The following DMBX1 variants were observed in gnomAD, a reference collection of about 807,000 sequenced individuals.
The protein encoded by DMBX1 is diencephalon/mesencephalon homeobox protein 1.
DMBX1 carries 7 observed loss-of-function variants against 30.4 expected under a neutral mutation model. The ratio of observed to expected loss-of-function variants is 0.23; its 90% CI spans 0.13 to 0.43. DMBX1 has a LOEUF of 0.43. Among genes scored for constraint, DMBX1 ranks in the 20% least tolerant of loss-of-function variants. The pLI, the probability that DMBX1 is intolerant of heterozygous loss-of-function variation, is 1.00. For missense variants in DMBX1, 460 were observed against 508.5 expected, an observed-to-expected ratio of 0.90 and a Z score of 0.92; for synonymous variants, 222 against 214.2, an observed-to-expected ratio of 1.04 and a Z score of -0.32.
intron 2 of DMBX1, among the ~76,000 whole-genome samples, chr1:46,501,456 A>G (rs1666137454): frequency 6.6e-6 from 1 of 151,076 alleles, no homozygotes; most frequent in African/African-American, 2.4e-5. Flanking sequence ...AATTTTTTGT[A>G]TTTATTAGTA....
intron 2 of DMBX1, among the ~76,000 whole-genome samples, chr1:46,505,531 A>G (rs955939750): frequency 1.3e-5 from 2 of 148,760 alleles, no homozygotes; most frequent in African/African-American, 5.0e-5. Context: ...ATTCTCACTC[A>G]TAGGTGGGAA....
At chr1:46,496,185 T>A (rs1037642301) in intron 2 of DMBX1, among the ~76,000 whole-genome samples, 18 of 152,130 alleles carry the variant, frequency 1.2e-4, no homozygotes, top group Admixed American at 4.6e-4. Flanking sequence ...GATATGGGGC[T>A]CTTGGAGGAG....
intron 2 of DMBX1, among the ~76,000 whole-genome samples, chr1:46,500,925 C>G (rs989741164): frequency 6.6e-6 from 1 of 152,166 alleles, no homozygotes; most frequent in Non-Finnish European, 1.5e-5. Flanking sequence ...TTCGCATACA[C>G]ATATCTCTGC....
chr1:46,493,058 C>T lies in DMBX1; in HGVS notation c.-13+2275C>T, dbSNP rs926186811. ...CGGCCAGTCCCAGTTCCTCAAGGAGCCAGTCTTCACCTCCCCCACCCCTGC... is the reference window on the plus strand; with the variant it reads ...CGGCCAGTCCCAGTTCCTCAAGGAGTCAGTCTTCACCTCCCCCACCCCTGC... On this transcript the variant is annotated intron_variant, in intron 2 of 5. Coordinates refer to ENST00000360032, the MANE Select transcript of DMBX1 (RefSeq NM_172225.2). This position sits in a 1 kb window ranked among gnomAD's most constrained non-coding sequence, Gnocchi z 4.1. 3.7e-4 allele frequency among the ~76,000 whole-genome samples: 56 copies of T among 152,308 alleles called. No homozygotes were observed. The highest frequency in any genetic ancestry group is 1.2e-3 in the African/African-American group (48 of 41,578).
rs1032264937 is a variant in DMBX1 at position 46,493,659 on chromosome 1, C to T, written c.-13+2876C>T. Among the ~76,000 whole-genome samples the T allele has an allele frequency of 1.3e-5, 2 of 152,240 alleles. No individual in the cohort carries two copies. Among genetic ancestry groups the T allele is most frequent in the African/African-American group, 2.4e-5 (1 of 41,468 alleles). ...CCCTCTGGTCTACAGCCACTGTGGG[C>T]GCTGCTTCCATGAGCCCCGAGGCCA... is the stretch of plus-strand genomic sequence containing the variant. On this transcript the variant is annotated intron_variant, in intron 2 of 5. Coordinates refer to ENST00000360032, the MANE Select transcript of DMBX1 (RefSeq NM_172225.2). This position sits in a 1 kb window ranked among gnomAD's most constrained non-coding sequence, Gnocchi z 4.1.
At chr1:46,498,039 G>A (rs908764339) in intron 2 of DMBX1, among the ~76,000 whole-genome samples, 2 of 152,186 alleles carry the variant, frequency 1.3e-5, no homozygotes, top group African/African-American at 4.8e-5. Flanking sequence ...CTGTTTAGAG[G>A]CTCCTGCAGG....
In DMBX1 at chr1:46,511,049, G is replaced by C. The variant is rs145934527; in HGVS notation, c.448G>C (p.Ala150Pro). The change falls in exon 5 of 6, where the codon GCC becomes CCC. Residue 150 changes from alanine to proline, a missense_variant. Transcript: ENST00000360032. The part of the protein sequence containing the change: ...EGSHGEGKAE[A>P]PTPDTQLDTE... ...CTCCCATGGGGAAGGCAAGGCCGAG[G>C]CCCCCACTCCAGATACCCAGCTGGA... 7.4e-6 allele frequency: 12 copies of C among 1,613,960 alleles called. No individual in the cohort carries two copies. In the African/African-American group the frequency reaches 1.6e-4, roughly 22 times the overall value.
At chr1:46,509,159 G>A (rs947350308) in intron 3 of DMBX1, among the ~76,000 whole-genome samples, 5 of 151,752 alleles carry the variant, frequency 3.3e-5, no homozygotes, top group Non-Finnish European at 5.9e-5. Flanking sequence ...TGCAACCTCC[G>A]CCTCCTGGGT....
intron 2 of DMBX1, among the ~76,000 whole-genome samples, chr1:46,503,048 G>C (rs895562616): frequency 1.3e-5 from 2 of 152,158 alleles, no homozygotes; most frequent in Non-Finnish European, 1.5e-5. Flanking sequence ...TCTGGCTAGC[G>C]GCCCCTCTCC....
intron 2 of DMBX1, among the ~76,000 whole-genome samples, chr1:46,501,272 C>CTTTCTTTCTTTCTTTTCT (rs1557786162): frequency 1.2e-5 from 1 of 83,892 alleles, no homozygotes; most frequent in African/African-American, 5.5e-5. Context: ...CTTTCTTTCT[C>CTTTCTTTCTTTCTTTTCT]TTCTTTCTTT....
At position 46,516,097 on chromosome 1, in the gene DMBX1, GC is replaced by G. The variant is rs1487445381; in HGVS notation, c.*3608del. Among the ~76,000 whole-genome samples, 1 of 152,202 alleles carries G rather than the reference GC, an allele frequency of 6.6e-6. No homozygotes were observed. Among genetic ancestry groups the G allele is most frequent in the Non-Finnish European group, 1.5e-5 (1 of 68,038 alleles). The stretch of plus-strand genomic sequence containing the variant: ...TTCACCCCTGCCTGTCCCCTCGCCT[GC>G]CCCCTGTGTAGTGCTGCATGACACT... On this transcript the variant is annotated 3_prime_UTR_variant, in exon 6 of 6. Coordinates refer to ENST00000360032, the MANE Select transcript of DMBX1 (RefSeq NM_172225.2).
chr1:46,513,812 G>C lies in DMBX1; in HGVS notation c.*1318G>C, dbSNP rs770036689. ...AGCACATAGGCTCAGGCTTCTGTAG[G>C]CTTCCTGTCCCAGAGCCAATTATGG... On this transcript the variant is annotated 3_prime_UTR_variant, in exon 6 of 6. Transcript: ENST00000360032. 8 of 152,288 alleles carry C rather than the reference G, an allele frequency of 5.3e-5. No homozygotes were observed. The highest frequency in any genetic ancestry group is 7.2e-5 in the African/African-American group (3 of 41,462). The allele number at this position is 152,288 out of a possible 1,614,324, so 9.4% of individuals were successfully genotyped here. A position where few individuals can be genotyped will look rare whatever the true frequency, so the allele number is the denominator to read the frequency against.
At chr1:46,503,493 T>C (rs979617994) in intron 2 of DMBX1, among the ~76,000 whole-genome samples, 2 of 152,220 alleles carry the variant, frequency 1.3e-5, no homozygotes, top group African/African-American at 2.4e-5. Flanking sequence ...GATGTGAGTG[T>C]AATGTTTGTG....
intron 1 of DMBX1, among the ~76,000 whole-genome samples, 133 bp from the exon 2 acceptor site, chr1:46,490,511 G>A (rs1665910253): frequency 2.0e-5 from 3 of 152,302 alleles, no homozygotes; most frequent in Non-Finnish European, 4.4e-5. Flanking sequence ...GCTGGGGAGG[G>A]GGCGCGGCCG....
chr1:46,499,049 T>C (rs1361662368), intron 2 of DMBX1, among the ~76,000 whole-genome samples: 1 of 150,796 alleles, frequency 6.6e-6, no homozygotes, highest in East Asian at 1.9e-4. Flanking sequence ...TTCTTTTCTT[T>C]TTTTTTTTTT....
At chr1:46,495,374 T>C (rs1316883187) in intron 2 of DMBX1, among the ~76,000 whole-genome samples, 2 of 152,218 alleles carry the variant, frequency 1.3e-5, no homozygotes, top group Non-Finnish European at 2.9e-5. Flanking sequence ...TGGGCACTGA[T>C]TTCACAATTT....
intron 2 of DMBX1, among the ~76,000 whole-genome samples, chr1:46,502,826 G>A (rs372722798): frequency 1.3e-5 from 2 of 152,174 alleles, no homozygotes; most frequent in African/African-American, 4.8e-5. Flanking sequence ...GCTACGGTGA[G>A]TCAAGATTGC....
At chr1:46,505,661 TAGTG>T (rs1367929281) in intron 2 of DMBX1, among the ~76,000 whole-genome samples, 2 of 151,648 alleles carry the variant, frequency 1.3e-5, no homozygotes, top group Non-Finnish European at 1.5e-5. Flanking sequence ...GATGACGAGT[TAGTG>T]GGTGTAGCAC....
At chr1:46,499,750 GT>G (rs1666089354) in intron 2 of DMBX1, among the ~76,000 whole-genome samples, 1 of 152,216 alleles carries the variant, frequency 6.6e-6, no homozygotes, top group Non-Finnish European at 1.5e-5. Context: ...GCATGATATA[GT>G]TTCTGCCCTC....
Sources: allele counts gnomAD v4.1 joint callset (sites outside exome capture counted in the v4.1 genomes callset), GRCh38; gene constraint gnomAD v4.1.1; non-coding constraint Gnocchi (gnomAD v3.1); transcripts MANE v1.5; gene names NCBI Gene and HGNC (gene_info 2026-07-23, HGNC 2026-07-21).